ZNF208: variants seen among roughly 807,000 people sequenced by gnomAD.
ZNF208 encodes the protein zinc finger protein 208.
ZNF208 carries 10 observed loss-of-function variants against 12.1 expected under a neutral mutation model. That is an observed-to-expected ratio of 0.83 (90% CI 0.51 to 1.40). The LOEUF (loss-of-function observed/expected upper bound fraction) is 1.40. ZNF208 is among the 40% of genes most tolerant of loss of function. ZNF208 has a pLI of 0.00. For missense variants in ZNF208, 1,652 were observed against 1,485.0 expected, an observed-to-expected ratio of 1.11 and a Z score of -1.85; for synonymous variants, 497 against 488.4, an observed-to-expected ratio of 1.02 and a Z score of -0.23.
chr19:21,971,462 T>G lies in ZNF208; in HGVS notation c.3572A>C (p.His1191Pro). ...FSILAKHKVI[H>P]TGEKLYKCEE... ...ACATTTGTAGAGTTTCTCTCCAGTATGAATTACCTTATGTTTTGCAAGGAT... is the reference window on the plus strand; with the variant it reads ...ACATTTGTAGAGTTTCTCTCCAGTAGGAATTACCTTATGTTTTGCAAGGAT... The change falls in exon 4 of 4, where the codon CAT becomes CCT. Residue 1191 changes from histidine (H) to proline (P), a missense_variant. His to Pro is a moderately conservative substitution (Grantham distance 77). This residue lies in a region of ZNF208 where 1,239 missense variants were observed against 1,086.2 expected (regional missense o/e 1.14). Coordinates refer to ENST00000397126, the MANE Select transcript of ZNF208 (RefSeq NM_007153.3). The G allele has an allele frequency of 6.2e-7, 1 of 1,611,294 alleles. No individual in the cohort carries two copies. The highest frequency in any genetic ancestry group is 8.5e-7 in the Non-Finnish European group (1 of 1,179,864).
chr19:22,001,964 A>G (rs1218795773), intron 1 of ZNF208, among the ~76,000 whole-genome samples: 1 of 151,442 alleles, frequency 6.6e-6, no homozygotes, highest in Non-Finnish European at 1.5e-5. Flanking sequence ...CTACTGGCAA[A>G]CCAAATCCAG....
At chr19:21,996,219 C>T (rs529550263) in intron 1 of ZNF208, among the ~76,000 whole-genome samples, 2 of 151,534 alleles carry the variant, frequency 1.3e-5, no homozygotes, top group South Asian at 4.2e-4. Flanking sequence ...ATTCAAGTTG[C>T]CTGGAATCTA....
intron 4 of ZNF208, chr19:21,941,417 C>T (rs1325721682): frequency 2.5e-6 from 1 of 398,902 alleles, no homozygotes; most frequent in African/African-American, 2.1e-5. Flanking sequence ...CACTGGATCC[C>T]ACCATCCCTA....
chr19:21,975,981 G>A (rs112723290), intron 3 of ZNF208, among the ~76,000 whole-genome samples: 5,887 of 147,498 alleles, frequency 0.04, 339 homozygotes, highest in African/African-American at 0.13. Flanking sequence ...GAAAGATGCC[G>A]AAAGCAGTTT....
rs574792276 is a variant in ZNF208 at position 21,995,436 on chromosome 19, C to A, written c.4-6527G>T. Among the ~76,000 whole-genome samples, 4 of 152,306 alleles carry A rather than the reference C, an allele frequency of 2.6e-5. No individual in the cohort carries two copies. The East Asian group carries it at 5.8e-4, about 22-fold the overall frequency. ...CACGAGATGACTCATTTCTCTCACA[C>A]TGGGACAGAAGCAGAATTAATCACT... On this transcript the variant is annotated intron_variant, in intron 1 of 3. Coordinates refer to ENST00000397126, the MANE Select transcript of ZNF208 (RefSeq NM_007153.3).
chr19:21,947,104 C>T (rs1024723676), intron 4 of ZNF208, among the ~76,000 whole-genome samples: 5 of 152,064 alleles, frequency 3.3e-5, no homozygotes, highest in Non-Finnish European at 5.9e-5. Context: ...AGATATGTAA[C>T]TCAGAGTTGT....
chr19:21,961,035 C>T (rs556765509), intron 4 of ZNF208, among the ~76,000 whole-genome samples: 1 of 152,334 alleles, frequency 6.6e-6, no homozygotes, highest in East Asian at 1.9e-4. Flanking sequence ...ATTTGCATCA[C>T]AGTTGAAATC....
At chr19:21,990,101 G>C (rs996275909) in intron 1 of ZNF208, among the ~76,000 whole-genome samples, 1 of 152,048 alleles carries the variant, frequency 6.6e-6, no homozygotes, top group African/African-American at 2.4e-5. Context: ...GATCCCATTT[G>C]TCAATTTTGG....
chr19:21,949,885 C>T (rs2522089), intron 4 of ZNF208, among the ~76,000 whole-genome samples: 93,843 of 151,970 alleles, frequency 0.62, 29,709 homozygotes, highest in African/African-American at 0.74. Context: ...CATAGGACTG[C>T]TGTCCTCTAA....
intron 3 of ZNF208, among the ~76,000 whole-genome samples, chr19:21,983,565 C>G (rs901853539): frequency 5.3e-5 from 8 of 152,010 alleles, no homozygotes; most frequent in Non-Finnish European, 1.0e-4. Flanking sequence ...ATGTTTTTTG[C>G]AGCACTATTC....
rs1301715631 is a variant in ZNF208 at position 21,972,023 on chromosome 19, T to C, written c.3011A>G (p.Glu1004Gly). The C allele has an allele frequency of 3.0e-5, 48 of 1,613,790 alleles. No homozygotes were observed. In the Admixed American group the frequency reaches 3.0e-4, roughly 10 times the overall value. The change falls in exon 4 of 4, where the codon GAA becomes GGA. Residue 1004 changes from glutamate to glycine, a missense_variant. By Grantham distance (98) the Glu-to-Gly change is moderately conservative (BLOSUM62 -2). Around this residue, in one of 3 missense-constraint regions of ZNF208, gnomAD observed 1,239 missense variants for 1,086.2 expected, o/e 1.14. Coordinates refer to ENST00000397126, the MANE Select transcript of ZNF208 (RefSeq NM_007153.3). ...CCAGTTGAAAGCTTTGCCACATTCTTCACATTTGTAGGGTTTCTCTCCAGT... is the reference window on the plus strand; with the variant it reads ...CCAGTTGAAAGCTTTGCCACATTCTCCACATTTGTAGGGTTTCTCTCCAGT... ...IHTGEKPYKCEECGKAFNWSS... is the reference protein window; with the variant it reads ...IHTGEKPYKCGECGKAFNWSS...
At chr19:21,981,648 C>T (rs1283608895) in intron 3 of ZNF208, among the ~76,000 whole-genome samples, 1 of 152,134 alleles carries the variant, frequency 6.6e-6, no homozygotes, top group Non-Finnish European at 1.5e-5. Context: ...AAAACTGGCA[C>T]AAAACAGGGA....
In ZNF208 at chr19:21,986,453, G is replaced by T. The variant is rs533168244; in HGVS notation, c.226+763C>A. ...AATATCTGAGAACAAATTTAACTGA[G>T]GAGTTGAAAAAGTTTTCAAGTGCAA... On this transcript the variant is annotated intron_variant, in intron 3 of 3. Coordinates refer to ENST00000397126, the MANE Select transcript of ZNF208 (RefSeq NM_007153.3). 5.6e-4 allele frequency among the ~76,000 whole-genome samples: 85 copies of T among 151,966 alleles called. 4 individuals are homozygous for T. In the South Asian group the frequency reaches 0.017, roughly 31 times the overall value.
intron 3 of ZNF208, among the ~76,000 whole-genome samples, chr19:21,975,849 A>AG (rs1970420666): frequency 7.4e-6 from 1 of 135,470 alleles, no homozygotes. Flanking sequence ...AAAAAAAAAA[A>AG]AAGCTATCAA....
At chr19:21,941,568 C>T (rs1969742321) in intron 4 of ZNF208, 3 of 384,098 alleles carry the variant, frequency 7.8e-6, no homozygotes, top group African/African-American at 6.9e-5. Flanking sequence ...AAGTGTCATG[C>T]TTTAGCTTTT....
intron 3 of ZNF208, among the ~76,000 whole-genome samples, chr19:21,986,154 C>G (rs1233390389): frequency 1.3e-5 from 2 of 152,002 alleles, no homozygotes; most frequent in African/African-American, 2.4e-5. Context: ...TATTTTAACA[C>G]AGCACTTGAA....
intron 1 of ZNF208, among the ~76,000 whole-genome samples, chr19:21,997,346 T>A (rs1233876101): frequency 2.0e-5 from 3 of 152,218 alleles, no homozygotes; most frequent in East Asian, 1.9e-4. Context: ...ACTTTTCACA[T>A]CTTCATGACT....
rs186911091 is a variant in ZNF208, at chr19:21,971,660, A to T, written c.3374T>A (p.Phe1125Tyr). ...CEECGKSFST[F>Y]SILTKHKVIH... ...TACCTTATGTTTAGTAAGGATTGAG[A>T]ACGTACTAAAGCTTTTGCCACATTC... The change falls in exon 4 of 4, where the codon TTC becomes TAC. Residue 1125 changes from phenylalanine (F) to tyrosine (Y), a missense_variant. By Grantham distance (22) the Phe-to-Tyr change is conservative. Coordinates refer to ENST00000397126, the MANE Select transcript of ZNF208 (RefSeq NM_007153.3). The T allele has an allele frequency of 6.2e-7, 1 of 1,610,608 alleles. No individual in the cohort carries two copies. Among genetic ancestry groups the T allele is most frequent in the African/African-American group, 1.4e-5 (1 of 73,736 alleles).
rs1169221909 is a variant in ZNF208, at chr19:21,972,201, A to G, written c.2833T>C (p.Tyr945His). 1 of 1,613,300 alleles carries G rather than the reference A, an allele frequency of 6.2e-7. No homozygotes were observed. Among genetic ancestry groups the G allele is most frequent in the South Asian group, 1.1e-5 (1 of 91,004 alleles). The change falls in exon 4 of 4, where the codon TAC (tyrosine) becomes CAC (histidine). Residue 945 changes from tyrosine (Y) to histidine (H), a missense_variant. Tyr to His is a moderately conservative substitution (Grantham distance 83). Transcript: ENST00000397126. ...HKKTHAGEKF[Y>H]KCEACGKAYK... ...GCTTTGCCACATGCTTCACATTTGT[A>G]GAATTTCTCTCCAGCATGAGTTTTC... is the stretch of plus-strand genomic sequence containing the variant.
Sources: allele counts gnomAD v4.1 joint callset (sites outside exome capture counted in the v4.1 genomes callset), GRCh38; gene constraint gnomAD v4.1.1; regional missense constraint gnomAD v4.1.1; transcripts MANE v1.5; gene names NCBI Gene and HGNC (gene_info 2026-07-23, HGNC 2026-07-21).